The following TMEM232 variants were observed in gnomAD, a reference collection of about 807,000 sequenced individuals.
TMEM232 encodes the protein transmembrane protein 232.
In TMEM232, 80 loss-of-function variants were observed where a neutral mutation model predicts 78.8. That is an observed-to-expected ratio of 1.01 (90% CI 0.85 to 1.22). The LOEUF (loss-of-function observed/expected upper bound fraction) is 1.22. Ranked by LOEUF, TMEM232 falls within the 50% of genes most tolerant of loss-of-function variation. The probability of loss-of-function intolerance (pLI) is 0.00; values close to 1 mark genes in which losing one functional copy is unlikely to be tolerated. For missense variants in TMEM232, 881 were observed against 742.2 expected, an observed-to-expected ratio of 1.19 and a Z score of -2.17; for synonymous variants, 297 against 254.3, an observed-to-expected ratio of 1.17 and a Z score of -1.60.
chr5:110,733,967 T>A (rs968691832), intron 2 of TMEM232, among the ~76,000 whole-genome samples: 48 of 152,234 alleles, frequency 3.2e-4, no homozygotes, highest in Admixed American at 3.1e-3. Flanking sequence ...CTTGTACCAA[T>A]GGGTTAATTT....
chr5:110,692,504 T>A (rs1387815261), intron 1 of TMEM232, among the ~76,000 whole-genome samples: 1 of 152,108 alleles, frequency 6.6e-6, no homozygotes, highest in Non-Finnish European at 1.5e-5. Context: ...GGGCGAGACA[T>A]CGCCTCACAC....
At chr5:110,542,878 T>C (rs934379256) in intron 11 of TMEM232, among the ~76,000 whole-genome samples, 20 of 152,090 alleles carry the variant, frequency 1.3e-4, no homozygotes, top group Non-Finnish European at 2.4e-4. Context: ...ATCAGACTGA[T>C]CGTGGGCCAC....
At chr5:110,671,071 A>G (rs953841547) in intron 1 of TMEM232, among the ~76,000 whole-genome samples, 9 of 152,302 alleles carry the variant, frequency 5.9e-5, no homozygotes, top group African/African-American at 1.9e-4. Context: ...GAAAGACTTC[A>G]TGACTAAAAC....
intron 12 of TMEM232, among the ~76,000 whole-genome samples, chr5:110,476,229 T>G (rs1763237010): frequency 6.6e-6 from 1 of 152,062 alleles, no homozygotes. Flanking sequence ...AGATGGGGCT[T>G]TTAAAAGGTA....
chr5:110,540,576 C>G (rs1315411408), intron 11 of TMEM232, among the ~76,000 whole-genome samples: 3 of 152,144 alleles, frequency 2.0e-5, no homozygotes, highest in Admixed American at 2.0e-4. Flanking sequence ...TTTAAAAGAC[C>G]AACTTCTCCC....
Position 110,628,230 on chromosome 5 carries a change from G to GA in TMEM232, c.502-351dup, listed in dbSNP as rs200105600. ...GATTTTTAAATAAAATAAAAGAGAA[G>GA]AAAAAATATATTTTACTGTACAATT... On this transcript the variant is annotated intron_variant, in intron 5 of 13. Transcript: ENST00000455884. 6.0e-3 allele frequency among the ~76,000 whole-genome samples: 907 copies of GA among 152,034 alleles called. 5 individuals are homozygous for GA. Among genetic ancestry groups the GA allele is most frequent in the African/African-American group, 0.02 (842 of 41,492 alleles).
At position 110,603,231 on chromosome 5, in the gene TMEM232, C is replaced by T. The variant is rs146543954; in HGVS notation, c.1276+1878G>A. On this transcript the variant is annotated intron_variant, in intron 10 of 13. Transcript: ENST00000455884. Reference sequence around the variant, plus strand: ...AAGAAGATGGGTTTTAAAACCACCACGGCACATGTATACCTATGTAACAAG... The same window carrying T: ...AAGAAGATGGGTTTTAAAACCACCATGGCACATGTATACCTATGTAACAAG... Among the ~76,000 whole-genome samples, 1,007 of 152,022 alleles carry T rather than the reference C, an allele frequency of 6.6e-3. 16 individuals carry two copies. Among genetic ancestry groups the T allele is most frequent in the African/African-American group, 0.023 (970 of 41,468 alleles).
chr5:110,718,954 A>T (rs976750886), intron 1 of TMEM232, among the ~76,000 whole-genome samples: 1 of 152,014 alleles, frequency 6.6e-6, no homozygotes, highest in African/African-American at 2.4e-5. Context: ...ATATAGTTAT[A>T]TGTCACTTAA....
intron 5 of TMEM232, among the ~76,000 whole-genome samples, 173 bp downstream of exon 5, chr5:110,638,025 A>G (rs947476440): frequency 6.6e-6 from 1 of 152,124 alleles, no homozygotes; most frequent in Non-Finnish European, 1.5e-5. Flanking sequence ...ATCTCCATTT[A>G]GATATTAAGC....
chr5:110,668,293 T>C (rs1790872128), intron 1 of TMEM232, among the ~76,000 whole-genome samples: 1 of 152,114 alleles, frequency 6.6e-6, no homozygotes, highest in South Asian at 2.1e-4. Context: ...GAACAGCTAT[T>C]AAAGAGTTGT....
At chr5:110,677,703 A>G (rs749579053) in intron 1 of TMEM232, among the ~76,000 whole-genome samples, 10 of 152,180 alleles carry the variant, frequency 6.6e-5, no homozygotes, top group Non-Finnish European at 1.5e-4. Flanking sequence ...GAGAACTTAT[A>G]GGAACTGGCT....
chr5:110,576,523 A>G (rs1777587701), intron 10 of TMEM232, among the ~76,000 whole-genome samples: 1 of 152,108 alleles, frequency 6.6e-6, no homozygotes, highest in Non-Finnish European at 1.5e-5. Context: ...TGACAGAACT[A>G]GAAAATACTG....
At chr5:110,654,885 T>C (rs2150074639) in intron 2 of TMEM232, among the ~76,000 whole-genome samples, 1 of 152,300 alleles carries the variant, frequency 6.6e-6, no homozygotes, top group Middle Eastern at 3.4e-3. Flanking sequence ...GTTGGATTCC[T>C]AAGTATTTTA....
intron 12 of TMEM232, among the ~76,000 whole-genome samples, chr5:110,479,281 T>C (rs113762541): frequency 1.3e-4 from 20 of 151,968 alleles, no homozygotes; most frequent in African/African-American, 4.1e-4. Context: ...GACTTAGATA[T>C]TTTTCTCCAT....
intron 10 of TMEM232, among the ~76,000 whole-genome samples, chr5:110,588,250 A>C (rs1421157655): frequency 3.9e-5 from 6 of 152,176 alleles, no homozygotes; most frequent in Admixed American, 3.9e-4. Context: ...GAACCGGCTT[A>C]GAAAATCATT....
At chr5:110,425,947 CTG>C (rs1249330258) in intron 12 of TMEM232, among the ~76,000 whole-genome samples, 5 of 152,084 alleles carry the variant, frequency 3.3e-5, no homozygotes, top group Non-Finnish European at 5.9e-5. Flanking sequence ...CTGAAGTAAA[CTG>C]TGCATTTGTT....
At chr5:110,702,477 TATC>T (rs1470954656) in intron 1 of TMEM232, among the ~76,000 whole-genome samples, 1 of 152,046 alleles carries the variant, frequency 6.6e-6, no homozygotes, top group Non-Finnish European at 1.5e-5. Flanking sequence ...GGAATTCACA[TATC>T]ATACTCAGCA....
At chr5:110,578,386 C>T (rs1421981580) in intron 10 of TMEM232, among the ~76,000 whole-genome samples, 1 of 151,932 alleles carries the variant, frequency 6.6e-6, no homozygotes, top group East Asian at 1.9e-4. Flanking sequence ...TTTATAACTA[C>T]ATTATGTTAC....
intron 5 of TMEM232, among the ~76,000 whole-genome samples, chr5:110,631,140 T>C (rs1785071065): frequency 6.6e-6 from 1 of 152,118 alleles, no homozygotes; most frequent in African/African-American, 2.4e-5. Flanking sequence ...TGGCACAGCA[T>C]TGCTGGACAC....
Sources: allele counts gnomAD v4.1 joint callset (sites outside exome capture counted in the v4.1 genomes callset), GRCh38; gene constraint gnomAD v4.1.1; transcripts MANE v1.5; gene names NCBI Gene and HGNC (gene_info 2026-07-23, HGNC 2026-07-21).